SPAST: variants seen among roughly 807,000 people sequenced by gnomAD.
SPAST encodes the protein spastic paraplegia 4 (autosomal dominant; spastin).
SPAST carries 30 observed loss-of-function variants against 76.6 expected under a neutral mutation model. The ratio of observed to expected loss-of-function variants is 0.39; its 90% CI spans 0.29 to 0.53. The LOEUF is 0.53. SPAST is among the 20% of genes least tolerant of loss of function. The pLI, the probability that SPAST is intolerant of heterozygous loss-of-function variation, is 0.68. For synonymous variants in SPAST, 305 were observed against 281.0 expected (o/e 1.09, Z -0.86); for missense variants, 717 against 770.5 (o/e 0.93, Z 0.82).
intron 6 of SPAST, 71 bp from the exon 7 acceptor site, chr2:32,116,048 G>A (rs925316532): frequency 1.7e-6 from 2 of 1,150,154 alleles, no homozygotes; most frequent in Non-Finnish European, 2.6e-6. Context: ...TATGTCATAG[G>A]GCTTAGGCTT....
chr2:32,102,598 C>G (rs1459606198), intron 4 of SPAST, among the ~76,000 whole-genome samples: 1 of 152,152 alleles, frequency 6.6e-6, no homozygotes, highest in Non-Finnish European at 1.5e-5. Flanking sequence ...ATGATATTGG[C>G]TGTGGGTTTG....
chr2:32,136,072 T>C lies in SPAST; in HGVS notation c.1246-491T>C, dbSNP rs1573154898. 2.7e-5 allele frequency among the ~76,000 whole-genome samples: 4 copies of C among 149,288 alleles called. No homozygotes were observed. The South Asian group carries it at 6.3e-4, about 24-fold the overall frequency. ...CAGACTGGGCTATAGAGCAAAACTCTGTCTCAAAAAAAAAAAGGAAAAAAA... is the reference window on the plus strand; with the variant it reads ...CAGACTGGGCTATAGAGCAAAACTCCGTCTCAAAAAAAAAAAGGAAAAAAA... On this transcript the variant is annotated intron_variant, in intron 9 of 16. Transcript: ENST00000315285.
At chr2:32,128,362 G>A in intron 8 of SPAST, 46 bp from the exon 9 acceptor site, 2 of 1,257,526 alleles carry the variant, frequency 1.6e-6, no homozygotes, top group East Asian at 2.4e-5. Context: ...TCTTTTAAAT[G>A]TAATATATTG....
chr2:32,076,309 C>T (rs1301277715), intron 1 of SPAST, among the ~76,000 whole-genome samples: 1 of 152,158 alleles, frequency 6.6e-6, no homozygotes, highest in African/African-American at 2.4e-5. Flanking sequence ...TCCAAATTAA[C>T]AGGGAAAATA....
rs1466393128 is a variant in SPAST at position 32,144,152 on chromosome 2, ACT to A, written c.1616+740_1616+741del. Among the ~76,000 whole-genome samples the A allele has an allele frequency of 5.9e-5, 9 of 152,262 alleles. 1 individual carries two copies. In the South Asian group the frequency reaches 1.7e-3, roughly 28 times the overall value. On this transcript the variant is annotated intron_variant, in intron 14 of 16. Transcript: ENST00000315285. Reference sequence around the variant, plus strand: ...TGAGTATTGAATAATTTTAACAAGAACTCTGAGTTCCCAGATACCTATGACAA... The same window carrying A: ...TGAGTATTGAATAATTTTAACAAGAACTGAGTTCCCAGATACCTATGACAA...
At chr2:32,068,780 G>C (rs949203549) in intron 1 of SPAST, among the ~76,000 whole-genome samples, 1 of 151,916 alleles carries the variant, frequency 6.6e-6, no homozygotes, top group Non-Finnish European at 1.5e-5. Flanking sequence ...TGTAATCCCA[G>C]CTACTCGGGA....
chr2:32,071,379 TA>T (rs1676744581), intron 1 of SPAST, among the ~76,000 whole-genome samples: 2 of 152,192 alleles, frequency 1.3e-5, no homozygotes, highest in African/African-American at 4.8e-5. Context: ...CTAAGTAAAA[TA>T]TTTTTCTGTT....
chr2:32,081,169 G>C (rs1677206482), intron 1 of SPAST, among the ~76,000 whole-genome samples: 1 of 151,892 alleles, frequency 6.6e-6, no homozygotes, highest in Non-Finnish European at 1.5e-5. Context: ...ATCTTGGCCA[G>C]GCTGGTCTCG....
intron 1 of SPAST, among the ~76,000 whole-genome samples, chr2:32,072,757 G>C (rs1676802226): frequency 6.6e-6 from 1 of 152,094 alleles, no homozygotes; most frequent in East Asian, 1.9e-4. Flanking sequence ...GAGGATGGAG[G>C]GTAGAAATCA....
chr2:32,088,853 T>C (rs2148710068), intron 2 of SPAST, among the ~76,000 whole-genome samples: 1 of 152,288 alleles, frequency 6.6e-6, no homozygotes, highest in South Asian at 2.1e-4. Context: ...AATTGGTGCA[T>C]GCATGGGCAA....
chr2:32,133,070 T>TGTA (rs1173843008), intron 9 of SPAST, among the ~76,000 whole-genome samples: 1 of 151,342 alleles, frequency 6.6e-6, no homozygotes, highest in African/African-American at 2.4e-5. Flanking sequence ...AGCAGCATTG[T>TGTA]GTAATATTAT....
chr2:32,117,539 T>C (rs1218204861), intron 7 of SPAST, among the ~76,000 whole-genome samples: 2 of 150,386 alleles, frequency 1.3e-5, no homozygotes, highest in African/African-American at 4.9e-5. Context: ...TTCTTTTTTT[T>C]TTTTTTTTTG....
intron 3 of SPAST, among the ~76,000 whole-genome samples, chr2:32,095,064 A>G (rs1573082006): frequency 6.6e-6 from 1 of 152,372 alleles, no homozygotes; most frequent in East Asian, 1.9e-4. Flanking sequence ...TATAGACTCT[A>G]AGGGTAGAAC....
chr2:32,065,171 C>T (rs930335400), intron 1 of SPAST, among the ~76,000 whole-genome samples: 3 of 151,996 alleles, frequency 2.0e-5, no homozygotes, highest in Non-Finnish European at 4.4e-5. Context: ...AGGCACGCAC[C>T]ACCACGCCTG....
intron 3 of SPAST, 68 bp from the exon 4 acceptor site, chr2:32,098,728 T>G: frequency 1.9e-6 from 2 of 1,059,824 alleles, no homozygotes; most frequent in Non-Finnish European, 2.9e-6. Flanking sequence ...CACATGCACA[T>G]TTTATTTGTT....
intron 1 of SPAST, among the ~76,000 whole-genome samples, chr2:32,072,058 T>A (rs905618132): frequency 6.6e-6 from 1 of 152,194 alleles, no homozygotes; most frequent in African/African-American, 2.4e-5. Flanking sequence ...TTATTTATTT[T>A]TTGAGACAGA....
At chr2:32,144,371 T>G (rs576655584) in intron 14 of SPAST, among the ~76,000 whole-genome samples, 1 of 152,292 alleles carries the variant, frequency 6.6e-6, no homozygotes, top group South Asian at 2.1e-4. Context: ...CCTTTCCAGG[T>G]GACATGTTTA....
intron 3 of SPAST, among the ~76,000 whole-genome samples, chr2:32,090,676 T>A (rs1364865408): frequency 6.6e-6 from 1 of 152,224 alleles, no homozygotes; most frequent in African/African-American, 2.4e-5. Flanking sequence ...GGTTCATCTG[T>A]TTTTCATTTT....
Position 32,154,302 on chromosome 2 carries a change from TA to T in SPAST, c.1729-70del, listed in dbSNP as rs752136277. The T allele has an allele frequency of 3.7e-4, 484 of 1,303,102 alleles. 3 individuals carry two copies. The highest frequency in any genetic ancestry group is 2.0e-4 in the Admixed American group (12 of 58,922). 80.7% of individuals were successfully genotyped at this position (1,303,102 alleles called of 1,614,324 possible). On this transcript the variant is annotated intron_variant, in intron 16 of 16. Transcript: ENST00000315285. The stretch of plus-strand genomic sequence containing the variant: ...TTAAGAAACAGCAGCATCATTACTT[TA>T]ATCCATCATTTCGTTAACCACCATA...
Sources: gnomAD v4.1 joint callset for allele counts (sites outside exome capture counted in the v4.1 genomes callset) on GRCh38, gnomAD v4.1.1 for gene constraint, MANE v1.5 for transcripts, NCBI Gene and HGNC (gene_info 2026-07-23, HGNC 2026-07-21) for gene names.